MARCHF1: variants seen among roughly 807,000 people sequenced by gnomAD.
MARCHF1 encodes E3 ubiquitin-protein ligase MARCHF1.
Under a neutral mutation model 54.2 loss-of-function variants are expected in MARCHF1, and 40 were observed. The observed-to-expected ratio is 0.74, with a 90% CI of 0.57 to 0.96. The LOEUF (loss-of-function observed/expected upper bound fraction) is 0.96. Among genes scored for constraint, MARCHF1 ranks in the 40% least tolerant of loss-of-function variants. The pLI is 0.00. For synonymous variants in MARCHF1, 236 were observed against 236.3 expected, an observed-to-expected ratio of 1.00 and a Z score of 0.01; for missense variants, 586 against 656.5, an observed-to-expected ratio of 0.89 and a Z score of 1.17.
chr4:164,108,799 CA>C (rs927259324), intron 2 of MARCHF1, among the ~76,000 whole-genome samples: 6 of 152,024 alleles, frequency 3.9e-5, no homozygotes, highest in African/African-American at 1.2e-4. Context: ...ATTTAAAATA[CA>C]AGAAAAATAG....
intron 4 of MARCHF1, among the ~76,000 whole-genome samples, chr4:163,832,877 G>A (rs1019521204): frequency 2.0e-5 from 3 of 151,734 alleles, no homozygotes; most frequent in Non-Finnish European, 2.9e-5. Context: ...TGCTGAGAAT[G>A]ATGGTTTCCA....
intron 4 of MARCHF1, among the ~76,000 whole-genome samples, chr4:163,721,318 T>G (rs770597256): frequency 1.3e-5 from 2 of 152,218 alleles, no homozygotes; most frequent in South Asian, 4.1e-4. Flanking sequence ...TCTGTTTATA[T>G]GCTGGATTAC....
chr4:164,238,578 A>G (rs1307552725), intron 1 of MARCHF1, among the ~76,000 whole-genome samples: 1 of 152,038 alleles, frequency 6.6e-6, no homozygotes, highest in Non-Finnish European at 1.5e-5. Context: ...TCTAAAAAGT[A>G]AGAGATAAAA....
intron 2 of MARCHF1, among the ~76,000 whole-genome samples, chr4:164,001,861 A>G (rs1406326831): frequency 6.6e-6 from 1 of 151,838 alleles, no homozygotes; most frequent in Non-Finnish European, 1.5e-5. Context: ...AAGGTTATGA[A>G]GGGAAACTCC....
chr4:163,605,312 T>C (rs1386494784), intron 7 of MARCHF1, among the ~76,000 whole-genome samples: 3 of 152,110 alleles, frequency 2.0e-5, no homozygotes, highest in Admixed American at 6.6e-5. Context: ...AAAAAGCTCA[T>C]AATCACTGGT....
At chr4:163,942,075 T>C (rs2110753528) in intron 3 of MARCHF1, among the ~76,000 whole-genome samples, 1 of 152,316 alleles carries the variant, frequency 6.6e-6, no homozygotes, top group East Asian at 1.9e-4. Flanking sequence ...GCATTTGGTT[T>C]CATGAACAAT....
chr4:164,309,113 T>C (rs78545804), intron 1 of MARCHF1, among the ~76,000 whole-genome samples: 137 of 152,096 alleles, frequency 9.0e-4, no homozygotes, highest in African/African-American at 2.8e-3. Context: ...TAACTAAATA[T>C]GCAAACAGTA....
intron 4 of MARCHF1, among the ~76,000 whole-genome samples, chr4:163,825,627 G>A (rs1748828598): frequency 6.6e-6 from 1 of 151,740 alleles, no homozygotes; most frequent in Non-Finnish European, 1.5e-5. Context: ...CCTTTTAATA[G>A]TAGCCATTCT....
chr4:163,732,745 T>C (rs1216866626), intron 4 of MARCHF1, among the ~76,000 whole-genome samples: 1 of 152,040 alleles, frequency 6.6e-6, no homozygotes, highest in Non-Finnish European at 1.5e-5. Flanking sequence ...AAAAGAATCT[T>C]TCAACTATAC....
intron 2 of MARCHF1, among the ~76,000 whole-genome samples, chr4:164,100,555 T>C (rs2111155453): frequency 6.6e-6 from 1 of 152,350 alleles, no homozygotes; most frequent in South Asian, 2.1e-4. Flanking sequence ...TCATTCAACT[T>C]TCACAATGAA....
At chr4:164,291,929 A>G (rs865829478) in intron 1 of MARCHF1, among the ~76,000 whole-genome samples, 1 of 152,118 alleles carries the variant, frequency 6.6e-6, no homozygotes, top group Admixed American at 6.6e-5. Context: ...TATAGTTACT[A>G]TAATATAACT....
At chr4:164,196,902 T>C in intron 1 of MARCHF1, 1 of 1,395,850 alleles carries the variant, frequency 7.2e-7, no homozygotes, top group Non-Finnish European at 1.0e-6. Flanking sequence ...GGGGGCAGGA[T>C]TGGAGGGGGG....
chr4:163,935,288 C>A (rs1006255516), intron 3 of MARCHF1, among the ~76,000 whole-genome samples: 3 of 152,236 alleles, frequency 2.0e-5, no homozygotes, highest in East Asian at 3.9e-4. Flanking sequence ...GCTTTGAAGT[C>A]GGGCATTGAC....
intron 3 of MARCHF1, among the ~76,000 whole-genome samples, chr4:163,979,740 T>C (rs1752723394): frequency 6.6e-6 from 1 of 152,164 alleles, no homozygotes; most frequent in Non-Finnish European, 1.5e-5. Flanking sequence ...GGTATCTCAT[T>C]GTGATTTTGG....
chr4:163,596,209 T>G (rs1486922290), intron 7 of MARCHF1, among the ~76,000 whole-genome samples: 1 of 152,104 alleles, frequency 6.6e-6, no homozygotes, highest in African/African-American at 2.4e-5. Context: ...AAGCTGACTT[T>G]AAGCTTTCAA....
chr4:163,634,141 C>G (rs28818565), intron 5 of MARCHF1, among the ~76,000 whole-genome samples: 4,048 of 152,120 alleles, frequency 0.027, 181 homozygotes, highest in East Asian at 0.16. Context: ...GCTGCAAAAT[C>G]ATGCCAAAAT....
intron 4 of MARCHF1, among the ~76,000 whole-genome samples, chr4:163,743,804 CT>C (rs1746278913): frequency 6.6e-6 from 1 of 152,148 alleles, no homozygotes; most frequent in Non-Finnish European, 1.5e-5. Context: ...GATACACCAT[CT>C]TTTGCTATGT....
chr4:163,944,010 C>G (rs773370342), intron 3 of MARCHF1, among the ~76,000 whole-genome samples: 3 of 152,020 alleles, frequency 2.0e-5, no homozygotes, highest in African/African-American at 7.3e-5. Context: ...CTCTATCACC[C>G]AGGCTGGAGT....
chr4:164,325,236 ACTCTAAAGAGAGT>A (rs1233976831), intron 1 of MARCHF1, among the ~76,000 whole-genome samples: 2 of 151,216 alleles, frequency 1.3e-5, no homozygotes, highest in Non-Finnish European at 2.9e-5. Flanking sequence ...AGAACACATG[ACTCTAAAGAGAGT>A]TGCTAGCAAA....
Sources: gnomAD v4.1 joint callset for allele counts (sites outside exome capture counted in the v4.1 genomes callset) on GRCh38, gnomAD v4.1.1 for gene constraint, MANE v1.5 for transcripts, NCBI Gene and HGNC (gene_info 2026-07-23, HGNC 2026-07-21) for gene names.